DZIP1L: variants seen among roughly 807,000 people sequenced by gnomAD.
DZIP1L encodes the protein DAZ interacting zinc finger protein 1 like.
A neutral mutation model predicts 88.7 loss-of-function variants in DZIP1L; 90 were observed. The ratio of observed to expected loss-of-function variants is 1.02; its 90% CI spans 0.86 to 1.21. DZIP1L has a LOEUF of 1.21. Among genes scored for constraint, DZIP1L ranks in the 50% most tolerant of loss-of-function variants. The pLI is 0.00. For synonymous variants in DZIP1L, 363 were observed against 372.1 expected, an observed-to-expected ratio of 0.98 and a Z score of 0.28; for missense variants, 932 against 955.8, an observed-to-expected ratio of 0.98 and a Z score of 0.33.
At chr3:138,066,245 A>T (rs114720056) in intron 14 of DZIP1L, among the ~76,000 whole-genome samples, 2 of 152,230 alleles carry the variant, frequency 1.3e-5, no homozygotes, top group Non-Finnish European at 2.9e-5. Flanking sequence ...CAAAATGTTC[A>T]TGGTAGGAAA....
chr3:138,084,675 A>G (rs1414201962), intron 7 of DZIP1L, among the ~76,000 whole-genome samples: 1 of 152,240 alleles, frequency 6.6e-6, no homozygotes, highest in Non-Finnish European at 1.5e-5. Context: ...GAAAGCCATA[A>G]AAGTCACCTG....
At chr3:138,076,244 T>C (rs1298178890) in intron 11 of DZIP1L, among the ~76,000 whole-genome samples, 2 of 152,004 alleles carry the variant, frequency 1.3e-5, no homozygotes, top group Non-Finnish European at 2.9e-5. Context: ...ATGGCCATAA[T>C]CAAAAAATCA....
intron 9 of DZIP1L, among the ~76,000 whole-genome samples, chr3:138,080,824 G>A (rs1242744798): frequency 6.6e-6 from 1 of 152,178 alleles, no homozygotes; most frequent in Non-Finnish European, 1.5e-5. Flanking sequence ...CTCGCTATCT[G>A]TGAAAGAGAT....
chr3:138,088,359 G>T lies in DZIP1L; in HGVS notation c.999+20C>A, dbSNP rs945272541. ...GCTCTTGGCTTCCTCTGGGAAGAAAGGCATGGAGCATCAGCTCACCTGAAT... is the reference window on the plus strand; with the variant it reads ...GCTCTTGGCTTCCTCTGGGAAGAAATGCATGGAGCATCAGCTCACCTGAAT... On this transcript the variant is annotated intron_variant, in intron 6 of 15. Coordinates refer to ENST00000327532, the MANE Select transcript of DZIP1L (RefSeq NM_173543.3). 2 of 1,601,430 alleles carry T rather than the reference G, an allele frequency of 1.2e-6. No individual in the cohort carries two copies. The highest frequency in any genetic ancestry group is 2.7e-5 in the African/African-American group (2 of 74,604).
At position 138,080,560 on chromosome 3, in the gene DZIP1L, G is replaced by T. The variant is rs748362226; in HGVS notation, c.1288+7C>A. 2.5e-6 allele frequency: 4 copies of T among 1,613,428 alleles called. No individual in the cohort carries two copies. The highest frequency in any genetic ancestry group is 1.1e-5 in the South Asian group (1 of 91,056). On this transcript the variant is annotated splice_region_variant and intron_variant, in intron 10 of 15. Transcript: ENST00000327532. ...CTGGACACCCAGGAAAGAAAGTAAG[G>T]TCCCACCTTCCTCTGGAGAGTCCTC... is the stretch of plus-strand genomic sequence containing the variant.
chr3:138,090,610 C>T (rs979209107), intron 5 of DZIP1L, among the ~76,000 whole-genome samples: 3 of 152,164 alleles, frequency 2.0e-5, no homozygotes, highest in African/African-American at 7.2e-5. Flanking sequence ...AACCCCTCCA[C>T]CTTCCACCTT....
At chr3:138,110,979 C>T (rs2042609751) in intron 1 of DZIP1L, among the ~76,000 whole-genome samples, 1 of 152,272 alleles carries the variant, frequency 6.6e-6, no homozygotes, top group South Asian at 2.1e-4. Context: ...ACCCACAGAG[C>T]GGCAAGTGCC....
chr3:138,092,217 C>T (rs1047688439), intron 5 of DZIP1L, 166 bp downstream of exon 5: 5 of 697,804 alleles, frequency 7.2e-6, no homozygotes, highest in Non-Finnish European at 1.1e-5. Flanking sequence ...TGATTCAACC[C>T]CAAGGCGTCT....
At chr3:138,080,646 G>C in intron 9 of DZIP1L, 26 bp from the exon 10 acceptor site, 1 of 1,611,228 alleles carries the variant, frequency 6.2e-7, no homozygotes. Context: ...ACAGTTAGTG[G>C]CACCAGTGCT....
At chr3:138,088,778 C>G in intron 5 of DZIP1L, 1 of 1,086,926 alleles carries the variant, frequency 9.2e-7, no homozygotes, top group African/African-American at 1.6e-5. Context: ...TTCTGCTATA[C>G]TCAAAATCCC....
At chr3:138,111,345 C>T (rs906792739) in intron 1 of DZIP1L, among the ~76,000 whole-genome samples, 7 of 152,156 alleles carry the variant, frequency 4.6e-5, no homozygotes, top group Non-Finnish European at 1.0e-4. Flanking sequence ...TTAGTAAATG[C>T]TTTATTTGTT....
In DZIP1L at chr3:138,098,827, C is replaced by T. The variant is rs535680714; in HGVS notation, c.502-980G>A. Among the ~76,000 whole-genome samples, 5 of 152,320 alleles carry T rather than the reference C, an allele frequency of 3.3e-5. No homozygotes were observed. In the East Asian group the frequency reaches 9.6e-4, roughly 29 times the overall value. On this transcript the variant is annotated intron_variant, in intron 2 of 15. Transcript: ENST00000327532. ...TAATAATATATCATAACGATTCCTT[C>T]TGTCCCACTGTGATATTGTGATACA...
At chr3:138,089,100 C>A (rs1406198167) in intron 5 of DZIP1L, 2 of 985,306 alleles carry the variant, frequency 2.0e-6, no homozygotes, top group South Asian at 9.4e-5. Context: ...GTCGTAGTAA[C>A]AAAAGCAACA....
chr3:138,084,933 T>C (rs1325082550), intron 7 of DZIP1L, among the ~76,000 whole-genome samples: 1 of 152,250 alleles, frequency 6.6e-6, no homozygotes. Context: ...GATCAGATAG[T>C]TGCAGATATG....
chr3:138,099,214 T>C (rs777343452), intron 2 of DZIP1L, among the ~76,000 whole-genome samples: 7 of 152,234 alleles, frequency 4.6e-5, no homozygotes, highest in Non-Finnish European at 8.8e-5. Flanking sequence ...ACAAGCTGGT[T>C]CAACCTGCAG....
intron 10 of DZIP1L, among the ~76,000 whole-genome samples, chr3:138,077,987 A>G (rs1017677964): frequency 6.6e-6 from 1 of 152,208 alleles, no homozygotes; most frequent in Non-Finnish European, 1.5e-5. Context: ...TAACTTTAGC[A>G]TATATCAGAA....
chr3:138,102,478 A>G (rs1458589491), intron 2 of DZIP1L: 7 of 1,406,964 alleles, frequency 5.0e-6, no homozygotes, highest in Non-Finnish European at 7.0e-6. Context: ...CTGCTGCCTA[A>G]GGTTGTTGAT....
chr3:138,084,900 T>G (rs1425529799), intron 7 of DZIP1L, among the ~76,000 whole-genome samples: 2 of 152,240 alleles, frequency 1.3e-5, no homozygotes, highest in African/African-American at 2.4e-5. Flanking sequence ...TCCCCATTGC[T>G]TGTTTTTCTC....
chr3:138,076,025 A>G (rs139323071), intron 11 of DZIP1L, among the ~76,000 whole-genome samples: 1 of 152,298 alleles, frequency 6.6e-6, no homozygotes, highest in Non-Finnish European at 1.5e-5. Context: ...GAGAAACAAG[A>G]ATAATCCAAA....
Sources: allele counts gnomAD v4.1 joint callset (sites outside exome capture counted in the v4.1 genomes callset), GRCh38; gene constraint gnomAD v4.1.1; transcripts MANE v1.5; gene names NCBI Gene and HGNC (gene_info 2026-07-23, HGNC 2026-07-21).